Variants in ARHGAP10 observed in about 807,000 individuals in gnomAD.
ARHGAP10 encodes Rho GTPase activating protein 10.
Under a neutral mutation model 108.6 loss-of-function variants are expected in ARHGAP10, and 87 were observed. The observed-to-expected ratio is 0.80, with a 90% CI of 0.67 to 0.96. The LOEUF is 0.96. ARHGAP10 is among the 40% of genes least tolerant of loss of function. ARHGAP10 has a pLI of 0.00. For synonymous variants in ARHGAP10, 347 were observed against 341.1 expected (o/e 1.02, Z -0.19); for missense variants, 939 against 954.5 (o/e 0.98, Z 0.21).
chr4:147,844,994 G>C (rs1212040483), intron 3 of ARHGAP10, among the ~76,000 whole-genome samples: 5 of 152,144 alleles, frequency 3.3e-5, no homozygotes, highest in Admixed American at 6.5e-5. Context: ...GGCACGCTCT[G>C]ATCCCCTGCC....
intron 5 of ARHGAP10, among the ~76,000 whole-genome samples, chr4:147,858,839 T>C (rs754962328): frequency 1.6e-4 from 25 of 152,206 alleles, no homozygotes; most frequent in Non-Finnish European, 3.1e-4. Context: ...CCAAATCCAC[T>C]TCACTTTCTC....
rs1233522704 is a variant in ARHGAP10, at chr4:147,732,161, C to G, written c.-141C>G. The G allele has an allele frequency of 1.3e-6, 1 of 743,768 alleles. No individual in the cohort carries two copies. The highest frequency in any genetic ancestry group is 1.9e-6 in the Non-Finnish European group (1 of 524,432). The allele number at this position is 743,768 out of a possible 1,614,324, so 46.1% of individuals were successfully genotyped here. A position where few individuals can be genotyped will look rare whatever the true frequency, so the allele number is the denominator to read the frequency against. The stretch of plus-strand genomic sequence containing the variant: ...AGGACTCGGCTCTACGGGACATGTC[C>G]GTGCCGCGCTCGCCGCGCGCCCGGG... On this transcript the variant is annotated 5_prime_UTR_variant, in exon 1 of 23. Transcript: ENST00000336498.
intron 1 of ARHGAP10, among the ~76,000 whole-genome samples, chr4:147,746,483 C>A (rs140111606): frequency 0.011 from 1,647 of 151,746 alleles, 15 homozygotes; most frequent in Non-Finnish European, 0.016. Context: ...TCACTGCAAC[C>A]TCCACCTCCT....
chr4:147,733,597 C>T (rs1261040841), intron 1 of ARHGAP10, among the ~76,000 whole-genome samples: 1 of 152,194 alleles, frequency 6.6e-6, no homozygotes, highest in Non-Finnish European at 1.5e-5. Context: ...GGAAAATCCC[C>T]CATCTCACTG....
intron 1 of ARHGAP10, among the ~76,000 whole-genome samples, chr4:147,756,686 A>G (rs1168181419): frequency 3.9e-5 from 6 of 152,216 alleles, no homozygotes; most frequent in African/African-American, 7.2e-5. Flanking sequence ...GAAATAGTGT[A>G]TATAAGGTTT....
chr4:147,943,042 A>T (rs776991303), intron 14 of ARHGAP10, among the ~76,000 whole-genome samples: 1 of 152,246 alleles, frequency 6.6e-6, no homozygotes, highest in Non-Finnish European at 1.5e-5. Flanking sequence ...AGTTGTCTTT[A>T]GGTGAGTCAT....
At chr4:148,025,352 G>A (rs1741727208) in intron 19 of ARHGAP10, among the ~76,000 whole-genome samples, 2 of 150,680 alleles carry the variant, frequency 1.3e-5, no homozygotes, top group Non-Finnish European at 3.0e-5. Flanking sequence ...ATTCATCCTT[G>A]GTTGCAACTT....
intron 19 of ARHGAP10, among the ~76,000 whole-genome samples, chr4:148,033,633 G>C (rs1212456267): frequency 6.6e-6 from 1 of 152,096 alleles, no homozygotes; most frequent in Non-Finnish European, 1.5e-5. Flanking sequence ...ACATTTATAT[G>C]TGTTTAGTTT....
At chr4:147,894,275 A>G (rs1047980944) in intron 10 of ARHGAP10, among the ~76,000 whole-genome samples, 11 of 152,132 alleles carry the variant, frequency 7.2e-5, no homozygotes, top group African/African-American at 2.4e-4. Context: ...ACCTTTGGTT[A>G]TGTTACTCTT....
At chr4:148,008,350 G>T (rs1741031838) in intron 18 of ARHGAP10, among the ~76,000 whole-genome samples, 1 of 152,022 alleles carries the variant, frequency 6.6e-6, no homozygotes. Context: ...CTGAATTAGA[G>T]CTCTGACACA....
At chr4:147,871,194 G>T (rs914919492) in intron 7 of ARHGAP10, among the ~76,000 whole-genome samples, 2 of 152,094 alleles carry the variant, frequency 1.3e-5, no homozygotes, top group African/African-American at 2.4e-5. Context: ...TCCTGATCTC[G>T]TGATCCGCCC....
chr4:147,746,812 G>C (rs1040251037), intron 1 of ARHGAP10, among the ~76,000 whole-genome samples: 1 of 152,142 alleles, frequency 6.6e-6, no homozygotes, highest in African/African-American at 2.4e-5. Context: ...TCAAATTGTA[G>C]ATTTATGGCA....
At chr4:147,870,974 G>A (rs1734795548) in intron 7 of ARHGAP10, among the ~76,000 whole-genome samples, 1 of 132,816 alleles carries the variant, frequency 7.5e-6, no homozygotes, top group African/African-American at 2.9e-5. Context: ...GTGTGTGTGT[G>A]TTTGAGATGG....
At chr4:147,960,971 T>G (rs1400279205) in intron 16 of ARHGAP10, among the ~76,000 whole-genome samples, 1 of 152,236 alleles carries the variant, frequency 6.6e-6, no homozygotes, top group Non-Finnish European at 1.5e-5. Flanking sequence ...ACATTTGGGT[T>G]GTTTCCAGTT....
chr4:147,987,591 G>T (rs1018725596), intron 18 of ARHGAP10, among the ~76,000 whole-genome samples: 1 of 152,182 alleles, frequency 6.6e-6, no homozygotes, highest in Non-Finnish European at 1.5e-5. Flanking sequence ...GTCTGCTGCT[G>T]ACACAGAGCT....
intron 22 of ARHGAP10, among the ~76,000 whole-genome samples, chr4:148,069,531 T>C (rs1730060955): frequency 6.6e-6 from 1 of 152,184 alleles, no homozygotes; most frequent in Admixed American, 6.5e-5. Flanking sequence ...GAAAATCACC[T>C]TTTTCCTCCT....
chr4:147,874,940 T>C (rs1734998309), intron 7 of ARHGAP10, 81 bp from the exon 8 acceptor site: 1 of 1,362,464 alleles, frequency 7.3e-7, no homozygotes, highest in Non-Finnish European at 9.6e-7. Flanking sequence ...TGTAATTACA[T>C]TTATGCAGAG....
chr4:147,971,973 G>T (rs1739427048), intron 18 of ARHGAP10, among the ~76,000 whole-genome samples: 1 of 152,124 alleles, frequency 6.6e-6, no homozygotes, highest in South Asian at 2.1e-4. Flanking sequence ...GTTTGTAAGG[G>T]GTCTTGGGGA....
At chr4:147,885,270 A>C (rs1223263811) in intron 10 of ARHGAP10, among the ~76,000 whole-genome samples, 1 of 152,228 alleles carries the variant, frequency 6.6e-6, no homozygotes, top group East Asian at 1.9e-4. Flanking sequence ...TAATGGACTC[A>C]CAGTTCCATA....
Sources: allele counts gnomAD v4.1 joint callset (sites outside exome capture counted in the v4.1 genomes callset), GRCh38; gene constraint gnomAD v4.1.1; transcripts MANE v1.5; gene names NCBI Gene and HGNC (gene_info 2026-07-23, HGNC 2026-07-21).